PREX2: variants seen among roughly 807,000 people sequenced by gnomAD.
The protein encoded by PREX2 is phosphatidylinositol-3,4,5-trisphosphate dependent Rac exchange factor 2, also known as phosphatidylinositol 3,4,5-trisphosphate-dependent Rac exchanger 2 protein.
A neutral mutation model predicts 203.2 loss-of-function variants in PREX2; 107 were observed. The observed-to-expected ratio is 0.53, with a 90% CI of 0.45 to 0.62. The LOEUF (loss-of-function observed/expected upper bound fraction) is 0.62. Ranked by LOEUF, PREX2 falls within the 20% of genes least tolerant of loss-of-function variation. The pLI is 0.00. For synonymous variants in PREX2, 672 were observed against 663.6 expected (o/e 1.01, Z -0.19); for missense variants, 1,777 against 1,955.9 (o/e 0.91, Z 1.72).
At position 68,121,019 on chromosome 8, in the gene PREX2, C is replaced by T. The variant is rs1450803336; in HGVS notation, c.3694C>T (p.Leu1232Phe). Residue 1232 changes from leucine to phenylalanine, a missense_variant, in exon 30 of 40, where the codon CTT becomes TTT. Physicochemically the swap from Leu to Phe is conservative, Grantham distance 22. Coordinates refer to ENST00000288368, the MANE Select transcript of PREX2 (RefSeq NM_024870.4). Reference sequence around the variant, plus strand: ...GAATCTTCCCAGCAGCGTCCGGACTCTTGCTCAGAACATCAGGAAATTTGT... The same window carrying T: ...GAATCTTCCCAGCAGCGTCCGGACTTTTGCTCAGAACATCAGGAAATTTGT... ...PWNLPSSVRT[L>F]AQNIRKFVEE... The T allele has an allele frequency of 8.7e-6, 14 of 1,613,670 alleles. No individual in the cohort carries two copies. Among genetic ancestry groups the T allele is most frequent in the Non-Finnish European group, 1.0e-5 (12 of 1,179,748 alleles).
intron 37 of PREX2, among the ~76,000 whole-genome samples, chr8:68,216,644 T>C (rs1330839715): frequency 6.6e-6 from 1 of 151,892 alleles, no homozygotes; most frequent in Non-Finnish European, 1.5e-5. Flanking sequence ...TAGAGATCAA[T>C]GTGGAAGAAC....
chr8:68,127,487 A>G, intron 31 of PREX2, 68 bp downstream of exon 31: 1 of 1,073,786 alleles, frequency 9.3e-7, no homozygotes, highest in South Asian at 1.3e-5. Context: ...AAAGGCCTTG[A>G]AATTTGAGGA....
chr8:68,138,418 G>A lies in PREX2; in HGVS notation c.3988G>A (p.Asp1330Asn). 6.4e-7 allele frequency: 1 copy of A among 1,557,672 alleles called. No homozygotes were observed. Among genetic ancestry groups the A allele is most frequent in the South Asian group, 1.2e-5 (1 of 84,444 alleles). ...FQSLLSPNLT[D>N]EQAMLEDTLV... ...TATTGTTTTTCTTTCTTTGTAGACA[G>A]ATGAACAAGCCATGTTAGAAGATAC... The change falls in exon 33 of 40, where the codon GAT (aspartate) becomes AAT (asparagine). Residue 1330 changes from aspartate to asparagine, a missense_variant. Physicochemically the swap from Asp to Asn is conservative, Grantham distance 23. Transcript: ENST00000288368.
chr8:68,187,470 T>C (rs1400875829), intron 35 of PREX2, among the ~76,000 whole-genome samples: 1 of 152,232 alleles, frequency 6.6e-6, no homozygotes, highest in Non-Finnish European at 1.5e-5. Context: ...TTATTGTCTA[T>C]TGAATGAGTC....
In PREX2 at chr8:68,080,597, GATATGTT is replaced by G. The variant is rs1809489707; in HGVS notation, c.1785+17_1785+23del. 6.3e-7 allele frequency: 1 copy of G among 1,582,074 alleles called. No individual in the cohort carries two copies. Among genetic ancestry groups the G allele is most frequent in the African/African-American group, 1.4e-5 (1 of 73,682 alleles). On this transcript the variant is annotated intron_variant, in intron 16 of 39. Coordinates refer to ENST00000288368, the MANE Select transcript of PREX2 (RefSeq NM_024870.4). ...CTAAGTCATTATTGGTAAGTTTATTGATATGTTATATAAGTTTTCTTCTTGATTAGAC... is the reference window on the plus strand; with the variant it reads ...CTAAGTCATTATTGGTAAGTTTATTGATATAAGTTTTCTTCTTGATTAGAC...
In PREX2 at chr8:68,022,075, C is replaced by A; in HGVS notation, c.376C>A (p.His126Asn). ...TATCTATGATGAATATTGTAGTAAC[C>A]ATGAGAAGGCACAAAAATTACTTCT... The part of the protein sequence containing the change: ...FRIYDEYCSN[H>N]EKAQKLLLEL... The change falls in exon 4 of 40, where the codon CAT becomes AAT. Residue 126 changes from histidine to asparagine, a missense_variant. By Grantham distance (68) the His-to-Asn change is moderately conservative (BLOSUM62 1). Transcript: ENST00000288368. 2 of 1,567,044 alleles carry A rather than the reference C, an allele frequency of 1.3e-6. No homozygotes were observed. The highest frequency in any genetic ancestry group is 1.1e-5 in the South Asian group (1 of 89,996).
intron 37 of PREX2, among the ~76,000 whole-genome samples, chr8:68,193,781 T>G (rs1189949513): frequency 2.0e-5 from 3 of 152,118 alleles, no homozygotes; most frequent in Non-Finnish European, 2.9e-5. Context: ...TGGGTTTTCA[T>G]GGATCAGGTT....
intron 11 of PREX2, among the ~76,000 whole-genome samples, chr8:68,062,187 A>AATG (rs1808878093): frequency 6.6e-6 from 1 of 152,170 alleles, no homozygotes; most frequent in Middle Eastern, 3.4e-3. Flanking sequence ...GTCCCTAAAC[A>AATG]ATGAATTCTG....
intron 32 of PREX2, among the ~76,000 whole-genome samples, chr8:68,134,989 G>A (rs570811645): frequency 1.4e-3 from 214 of 152,226 alleles, no homozygotes; most frequent in Non-Finnish European, 2.6e-3. Flanking sequence ...TAAATGTTAG[G>A]TGATCACTGA....
intron 33 of PREX2, among the ~76,000 whole-genome samples, chr8:68,142,258 T>C (rs1811245035): frequency 1.3e-5 from 2 of 152,140 alleles, no homozygotes; most frequent in Admixed American, 1.3e-4. Flanking sequence ...TTTACTGCCC[T>C]AAAATCCCAT....
intron 12 of PREX2, among the ~76,000 whole-genome samples, 167 bp from the exon 13 acceptor site, chr8:68,069,668 C>A (rs1343223011): frequency 6.8e-6 from 1 of 147,984 alleles, no homozygotes; most frequent in Non-Finnish European, 1.5e-5. Context: ...TGATTTAAAT[C>A]ATATTATTTT....
chr8:68,022,639 C>T (rs889858438), intron 4 of PREX2, among the ~76,000 whole-genome samples: 6 of 152,106 alleles, frequency 3.9e-5, no homozygotes, highest in African/African-American at 1.2e-4. Flanking sequence ...TTGGCTGTCA[C>T]GGGCAAACTA....
chr8:67,956,009 A>C (rs1329469041), intron 1 of PREX2, among the ~76,000 whole-genome samples: 1 of 152,306 alleles, frequency 6.6e-6, no homozygotes, highest in South Asian at 2.1e-4. Flanking sequence ...TGTTTCATAT[A>C]TTTTAAATTT....
intron 1 of PREX2, among the ~76,000 whole-genome samples, chr8:67,990,722 A>G (rs1447830699): frequency 2.6e-5 from 4 of 152,068 alleles, no homozygotes; most frequent in Non-Finnish European, 5.9e-5. Flanking sequence ...CAAATTAGCC[A>G]GGCTGGTCTC....
chr8:68,121,815 A>G (rs1810780113), intron 30 of PREX2, among the ~76,000 whole-genome samples: 1 of 152,208 alleles, frequency 6.6e-6, no homozygotes. Context: ...GATAGAGGCC[A>G]GGGATGCTGC....
intron 1 of PREX2, among the ~76,000 whole-genome samples, chr8:67,979,968 T>G (rs1386755885): frequency 6.6e-6 from 1 of 152,184 alleles, no homozygotes; most frequent in Non-Finnish European, 1.5e-5. Context: ...ATATGCCATC[T>G]CATAGACAGA....
chr8:68,170,780 T>G (rs568175503), intron 35 of PREX2, among the ~76,000 whole-genome samples: 1 of 152,324 alleles, frequency 6.6e-6, no homozygotes, highest in South Asian at 2.1e-4. Flanking sequence ...TCTTTCCTTT[T>G]TAGTCTCTCT....
chr8:68,005,656 T>G (rs527804528), intron 1 of PREX2, among the ~76,000 whole-genome samples: 5 of 152,362 alleles, frequency 3.3e-5, no homozygotes, highest in Non-Finnish European at 7.3e-5. Context: ...TACTCTCACT[T>G]CCTTAAAGTC....
intron 37 of PREX2, among the ~76,000 whole-genome samples, chr8:68,215,535 A>AT (rs11364601): frequency 7.3e-5 from 11 of 150,490 alleles, no homozygotes; most frequent in East Asian, 3.9e-4. Flanking sequence ...TAGAAAACTG[A>AT]TTTTTTTTTT....
Sources: allele counts gnomAD v4.1 joint callset (sites outside exome capture counted in the v4.1 genomes callset), GRCh38; gene constraint gnomAD v4.1.1; transcripts MANE v1.5; gene names NCBI Gene and HGNC (gene_info 2026-07-23, HGNC 2026-07-21).